Variants in CKAP5 observed in about 807,000 individuals in gnomAD.
CKAP5 encodes cytoskeleton-associated protein 5.
Under a neutral mutation model 232.8 loss-of-function variants are expected in CKAP5, and 27 were observed. The observed-to-expected ratio is 0.12, with a 90% CI of 0.09 to 0.16. The LOEUF is 0.16. Ranked by LOEUF, CKAP5 falls within the 10% of genes least tolerant of loss-of-function variation. The pLI is 1.00. For synonymous variants in CKAP5, 785 were observed against 841.1 expected, an observed-to-expected ratio of 0.93 and a Z score of 1.16; for missense variants, 1,838 against 2,424.7, an observed-to-expected ratio of 0.76 and a Z score of 5.08.
At chr11:46,805,170 G>A (rs1227220366) in intron 8 of CKAP5, among the ~76,000 whole-genome samples, 1 of 152,136 alleles carries the variant, frequency 6.6e-6, no homozygotes, top group Non-Finnish European at 1.5e-5. Flanking sequence ...GGGAGATGGA[G>A]GTTGCAGTGA....
Position 46,754,853 on chromosome 11 carries a change from G to A in CKAP5, c.4869+35C>T, listed in dbSNP as rs753430950. 25 of 1,582,242 alleles carry A rather than the reference G, an allele frequency of 1.6e-5. No individual in the cohort carries two copies. In the East Asian group the frequency reaches 5.4e-4, roughly 34 times the overall value. The stretch of plus-strand genomic sequence containing the variant: ...TTGAACCTCTGTAGGCTGAGAGATT[G>A]ATGGGAAGCTGAAATTCTGCAGAGG... On this transcript the variant is annotated intron_variant, in intron 36 of 43. Transcript: ENST00000529230.
rs192719650 is a variant in CKAP5 at position 46,799,556 on chromosome 11, C to G, written c.1084-1384G>C. Among the ~76,000 whole-genome samples, 14 of 152,144 alleles carry G rather than the reference C, an allele frequency of 9.2e-5. No homozygotes were observed. The East Asian group carries it at 1.9e-3, about 21-fold the overall frequency. On this transcript the variant is annotated intron_variant, in intron 9 of 43. Coordinates refer to ENST00000529230, the MANE Select transcript of CKAP5 (RefSeq NM_001008938.4). ...CAGTAACATGCTTGATACTAAACAC[C>G]GCATATATTACAGTATTAAGGTGGG...
chr11:46,823,240 C>A (rs185139952), intron 1 of CKAP5, among the ~76,000 whole-genome samples: 380 of 152,130 alleles, frequency 2.5e-3, no homozygotes, highest in South Asian at 0.012. Context: ...CCGCACCCAC[C>A]CCTATGCTAT....
chr11:46,794,988 C>A (rs1938835176), intron 13 of CKAP5, among the ~76,000 whole-genome samples: 1 of 152,064 alleles, frequency 6.6e-6, no homozygotes, highest in African/African-American at 2.4e-5. Flanking sequence ...TGTGGTGATG[C>A]TGCACAACAT....
chr11:46,776,907 A>T (rs999863920), intron 23 of CKAP5, among the ~76,000 whole-genome samples: 9 of 152,188 alleles, frequency 5.9e-5, no homozygotes, highest in Admixed American at 5.2e-4. Flanking sequence ...TATTTAGTCT[A>T]CGGCTAAACA....
At chr11:46,778,893 G>A (rs574278187) in intron 20 of CKAP5, among the ~76,000 whole-genome samples, 9 of 152,108 alleles carry the variant, frequency 5.9e-5, no homozygotes, top group African/African-American at 9.7e-5. Flanking sequence ...TGGCTGATAC[G>A]GTGAAACCTC....
intron 9 of CKAP5, among the ~76,000 whole-genome samples, chr11:46,800,700 AT>A (rs1173029962): frequency 6.6e-6 from 1 of 152,250 alleles, no homozygotes; most frequent in East Asian, 1.9e-4. Flanking sequence ...TATAAAATAT[AT>A]AACATTGTAA....
At chr11:46,826,951 C>T (rs984964110) in intron 1 of CKAP5, 1 of 152,874 alleles carries the variant, frequency 6.5e-6, no homozygotes, top group Non-Finnish European at 1.5e-5. Flanking sequence ...TCTCCGCACA[C>T]TCTGAAAGCT....
At chr11:46,811,932 T>A (rs1939282697) in intron 4 of CKAP5, among the ~76,000 whole-genome samples, 1 of 152,232 alleles carries the variant, frequency 6.6e-6, no homozygotes, top group South Asian at 2.1e-4. Flanking sequence ...ATCTTGGCAA[T>A]ATTTTGTTCC....
chr11:46,766,331 C>T (rs2065202323), intron 27 of CKAP5, among the ~76,000 whole-genome samples: 1 of 152,146 alleles, frequency 6.6e-6, no homozygotes, highest in Non-Finnish European at 1.5e-5. Context: ...CTGCAAAACA[C>T]TCGTGATCTA....
chr11:46,803,673 G>T (rs1939088079), intron 8 of CKAP5, among the ~76,000 whole-genome samples: 1 of 152,232 alleles, frequency 6.6e-6, no homozygotes, highest in Non-Finnish European at 1.5e-5. Context: ...CAAAGTTTTT[G>T]CTCCTTTTAT....
intron 24 of CKAP5, among the ~76,000 whole-genome samples, chr11:46,774,570 G>A (rs1006144128): frequency 9.2e-5 from 14 of 152,240 alleles, no homozygotes; most frequent in South Asian, 6.2e-4. Context: ...GAGGCATCAC[G>A]CTACCTGATT....
At chr11:46,821,115 G>T in intron 2 of CKAP5, 60 bp downstream of exon 2, 1 of 1,193,334 alleles carries the variant, frequency 8.4e-7, no homozygotes, top group Non-Finnish European at 1.3e-6. Flanking sequence ...TAAGATGATA[G>T]TATAACTGCT....
At chr11:46,781,066 C>G (rs1299185843) in intron 18 of CKAP5, among the ~76,000 whole-genome samples, 1 of 152,124 alleles carries the variant, frequency 6.6e-6, no homozygotes, top group Non-Finnish European at 1.5e-5. Context: ...GTGATATTTC[C>G]ATTTGTATGC....
At chr11:46,840,811 A>G (rs1329355693) in intron 1 of CKAP5, among the ~76,000 whole-genome samples, 1 of 152,152 alleles carries the variant, frequency 6.6e-6, no homozygotes, top group Admixed American at 6.5e-5. Context: ...ATCAAACCCA[A>G]GGCAGGGAAT....
At position 46,799,938 on chromosome 11, in the gene CKAP5, C is replaced by T. The variant is rs144553340; in HGVS notation, c.1083+1262G>A. 2.6e-5 allele frequency among the ~76,000 whole-genome samples: 4 copies of T among 151,886 alleles called. No individual in the cohort carries two copies. In the East Asian group the frequency reaches 7.8e-4, roughly 29 times the overall value. On this transcript the variant is annotated intron_variant, in intron 9 of 43. Transcript: ENST00000529230. ...ATCACCTGCGCCTAGGAGGTTAAGG[C>T]TGCAGTGAACTGAGATGGTGCCACT...
Position 46,769,392 on chromosome 11 carries a change from ACT to A in CKAP5, c.3322+569_3322+570del, listed in dbSNP as rs1251506978. Among the ~76,000 whole-genome samples, 6 of 152,330 alleles carry A rather than the reference ACT, an allele frequency of 3.9e-5. No individual in the cohort carries two copies. In the East Asian group the frequency reaches 9.6e-4, roughly 24 times the overall value. The stretch of plus-strand genomic sequence containing the variant: ...ACTTCAGAAAGGACTATTTTAATGT[ACT>A]ATTCCAAAACTCCTTTTGGGATCGG... On this transcript the variant is annotated intron_variant, in intron 26 of 43. Transcript: ENST00000529230.
intron 1 of CKAP5, among the ~76,000 whole-genome samples, chr11:46,837,637 T>C (rs2134718622): frequency 6.6e-6 from 1 of 152,158 alleles, no homozygotes; most frequent in African/African-American, 2.4e-5. Flanking sequence ...CATTTCCAGA[T>C]AGTAAGGAAG....
chr11:46,809,799 G>T lies in CKAP5; in HGVS notation c.706C>A (p.Gln236Lys), dbSNP rs775822012. ...TGTTCCAATTTAGCTTCTAGTTCTT[G>T]TTGGGAACGAAGAAATCGAGTAGGT... ...PRPTRFLRSQ[Q>K]ELEAKLEQQQ... The change falls in exon 6 of 44, where the codon CAA (glutamine) becomes AAA (lysine). Residue 236 changes from glutamine (Q) to lysine (K), a missense_variant. Coordinates refer to ENST00000529230, the MANE Select transcript of CKAP5 (RefSeq NM_001008938.4). 6 of 1,614,040 alleles carry T rather than the reference G, an allele frequency of 3.7e-6. No homozygotes were observed. The highest frequency in any genetic ancestry group is 5.1e-6 in the Non-Finnish European group (6 of 1,179,966).
Sources: allele counts gnomAD v4.1 joint callset (sites outside exome capture counted in the v4.1 genomes callset), GRCh38; gene constraint gnomAD v4.1.1; transcripts MANE v1.5; gene names NCBI Gene and HGNC (gene_info 2026-07-23, HGNC 2026-07-21).